RSL24D1: variants seen among roughly 807,000 people sequenced by gnomAD.
The protein encoded by RSL24D1 is probable ribosome biogenesis protein RLP24.
A neutral mutation model predicts 26.2 loss-of-function variants in RSL24D1; 6 were observed. The ratio of observed to expected loss-of-function variants is 0.23; its 90% CI spans 0.13 to 0.45. RSL24D1 has a LOEUF of 0.45. Among genes scored for constraint, RSL24D1 ranks in the 20% least tolerant of loss-of-function variants. The probability of loss-of-function intolerance (pLI) is 0.99; values close to 1 mark genes in which losing one functional copy is unlikely to be tolerated. For missense variants in RSL24D1, 176 were observed against 202.6 expected, an observed-to-expected ratio of 0.87 and a Z score of 0.80; for synonymous variants, 61 against 59.1, an observed-to-expected ratio of 1.03 and a Z score of -0.15.
At chr15:55,194,570 C>A (rs1347677336) in intron 1 of RSL24D1, among the ~76,000 whole-genome samples, 2 of 152,090 alleles carry the variant, frequency 1.3e-5, no homozygotes, top group Admixed American at 1.3e-4. Context: ...CAAAGTTCTT[C>A]AAACCTTTCT....
chr15:55,184,734 A>T (rs1894205595), intron 4 of RSL24D1, among the ~76,000 whole-genome samples: 1 of 152,188 alleles, frequency 6.6e-6, no homozygotes, highest in South Asian at 2.1e-4. Flanking sequence ...ATCAAAGTTA[A>T]CATCACCAGC....
intron 5 of RSL24D1, among the ~76,000 whole-genome samples, 186 bp from the exon 6 acceptor site, chr15:55,182,411 A>G (rs575085171): frequency 1.2e-3 from 188 of 152,288 alleles, no homozygotes; most frequent in Non-Finnish European, 2.2e-3. Flanking sequence ...TTCTACATAC[A>G]TTTATTTGCT....
intron 3 of RSL24D1, 46 bp from the exon 4 acceptor site, chr15:55,185,471 G>T: frequency 7.3e-7 from 1 of 1,368,874 alleles, no homozygotes; most frequent in Non-Finnish European, 1.0e-6. Context: ...CATTCAAGCG[G>T]TATGATCAAC....
intron 4 of RSL24D1, among the ~76,000 whole-genome samples, chr15:55,184,390 C>A (rs1430835488): frequency 6.6e-6 from 1 of 152,006 alleles, no homozygotes; most frequent in South Asian, 2.1e-4. Context: ...CCATAAGAAT[C>A]CATGAATACA....
At chr15:55,189,139 G>C (rs943458539) in intron 3 of RSL24D1, among the ~76,000 whole-genome samples, 9 of 145,556 alleles carry the variant, frequency 6.2e-5, no homozygotes, top group East Asian at 6.0e-4. Context: ...ATTGCAGTGA[G>C]CCGAGATCCC....
chr15:55,183,078 T>TC (rs1203291510), intron 5 of RSL24D1, among the ~76,000 whole-genome samples: 1 of 152,110 alleles, frequency 6.6e-6, no homozygotes, highest in Non-Finnish European at 1.5e-5. Context: ...ATTACGCAAA[T>TC]CATTTTGCAT....
At chr15:55,182,588 C>T (rs182242320) in intron 5 of RSL24D1, among the ~76,000 whole-genome samples, 1 of 152,284 alleles carries the variant, frequency 6.6e-6, no homozygotes, top group Admixed American at 6.5e-5. Flanking sequence ...ACTGTTCTAT[C>T]TACCTCAAAG....
intron 5 of RSL24D1, 40 bp downstream of exon 5, chr15:55,183,275 C>T: frequency 6.6e-7 from 1 of 1,512,994 alleles, no homozygotes; most frequent in Non-Finnish European, 9.1e-7. Flanking sequence ...TACCCAAATA[C>T]ACAGACCACA....
In RSL24D1 at chr15:55,196,837, G is replaced by C. The variant is rs773457018; in HGVS notation, c.54C>G (p.Gly18=). The C allele has an allele frequency of 1.9e-6, 3 of 1,614,200 alleles. No individual in the cohort carries two copies. Among genetic ancestry groups the C allele is most frequent in the Non-Finnish European group, 2.5e-6 (3 of 1,180,034 alleles). ...FCSGPIYPGH[G]MMFVRNDCKV... is the part of the protein sequence containing the mutation. ...TGCAATCGTTGCGGACGAACATCAT[G>C]CCGTGTCCAGGATAGATGGGCCCCG... is the stretch of plus-strand genomic sequence containing the variant. Residue 18 remains glycine, a synonymous_variant, in exon 1 of 6, where the codon GGC becomes GGG. Transcript: ENST00000260443.
chr15:55,188,004 T>G (rs1247374055), intron 3 of RSL24D1, among the ~76,000 whole-genome samples: 1 of 152,220 alleles, frequency 6.6e-6, no homozygotes, highest in Non-Finnish European at 1.5e-5. Flanking sequence ...AGGGACAAAG[T>G]GCAAACTATT....
intron 2 of RSL24D1, among the ~76,000 whole-genome samples, chr15:55,192,104 TG>T (rs1361377092): frequency 2.0e-5 from 3 of 152,166 alleles, no homozygotes; most frequent in African/African-American, 4.8e-5. Flanking sequence ...ATTGGTTTGG[TG>T]GGTAAAGGAA....
At chr15:55,189,877 TAACA>T (rs1366699344) in intron 3 of RSL24D1, among the ~76,000 whole-genome samples, 1 of 152,168 alleles carries the variant, frequency 6.6e-6, no homozygotes, top group Non-Finnish European at 1.5e-5. Context: ...AGACTCTGGT[TAACA>T]AACCACATCA....
At chr15:55,190,609 G>T (rs1224556240) in intron 3 of RSL24D1, among the ~76,000 whole-genome samples, 3 of 152,048 alleles carry the variant, frequency 2.0e-5, no homozygotes, top group Non-Finnish European at 4.4e-5. Context: ...AAACTATATG[G>T]TCTAAACATG....
chr15:55,193,307 A>G (rs115382340), intron 1 of RSL24D1, among the ~76,000 whole-genome samples: 1,719 of 152,314 alleles, frequency 0.011, 36 homozygotes, highest in African/African-American at 0.039. Context: ...ACTTACTCAC[A>G]GATCTGCTAG....
At position 55,183,379 on chromosome 15, in the gene RSL24D1, T is replaced by C; in HGVS notation, c.354A>G (p.Leu118=). 5.0e-6 allele frequency: 8 copies of C among 1,612,432 alleles called. No homozygotes were observed. Among genetic ancestry groups the C allele is most frequent in the Non-Finnish European group, 5.1e-6 (6 of 1,179,546 alleles). ...CTTCTTTGATATCCTGAACTTTCTG[T>C]AGCTCTTTATTTTTCTTCAATCTAC... ...IMNRLKKNKE[L]QKVQDIKEVK... The change falls in exon 5 of 6, where the codon CTA becomes CTG. Residue 118 remains leucine (L), a synonymous_variant. Transcript: ENST00000260443.
intron 1 of RSL24D1, chr15:55,195,342 C>T (rs1254805016): frequency 6.6e-6 from 1 of 152,138 alleles, no homozygotes; most frequent in Non-Finnish European, 1.5e-5. Flanking sequence ...ATTTGGAGCT[C>T]AGGAGATTTA....
chr15:55,186,713 T>A (rs1393485607), intron 3 of RSL24D1, among the ~76,000 whole-genome samples: 1 of 152,150 alleles, frequency 6.6e-6, no homozygotes, highest in African/African-American at 2.4e-5. Flanking sequence ...ACTGGGACAA[T>A]TGGAGAAATA....
chr15:55,196,343 C>T (rs1223682592), intron 1 of RSL24D1: 2 of 457,096 alleles, frequency 4.4e-6, no homozygotes, highest in Non-Finnish European at 8.8e-6. Flanking sequence ...CAGGACCCTC[C>T]CCAACTCACC....
chr15:55,196,773 G>A (rs1300664573), intron 1 of RSL24D1, 37 bp downstream of exon 1: 2 of 1,606,238 alleles, frequency 1.2e-6, no homozygotes, highest in Admixed American at 1.7e-5. Context: ...AACCGCGGGA[G>A]CTAGGCTGAA....
Sources: allele counts gnomAD v4.1 joint callset (sites outside exome capture counted in the v4.1 genomes callset), GRCh38; gene constraint gnomAD v4.1.1; transcripts MANE v1.5; gene names NCBI Gene and HGNC (gene_info 2026-07-23, HGNC 2026-07-21).